ADCY8: variants seen among roughly 807,000 people sequenced by gnomAD.
ADCY8 encodes the protein adenylate cyclase type 8.
Under a neutral mutation model 119.7 loss-of-function variants are expected in ADCY8, and 51 were observed. That is an observed-to-expected ratio of 0.43 (90% CI 0.34 to 0.54). The LOEUF is 0.54. Among genes scored for constraint, ADCY8 ranks in the 20% least tolerant of loss-of-function variants. The pLI, the probability that ADCY8 is intolerant of heterozygous loss-of-function variation, is 0.03. For missense variants in ADCY8, 1,383 were observed against 1,598.8 expected, an observed-to-expected ratio of 0.87 and a Z score of 2.30; for synonymous variants, 665 against 651.0, an observed-to-expected ratio of 1.02 and a Z score of -0.33.
At chr8:130,912,876 G>A (rs1315486949) in intron 5 of ADCY8, among the ~76,000 whole-genome samples, 1 of 152,064 alleles carries the variant, frequency 6.6e-6, no homozygotes, top group Admixed American at 6.6e-5. Flanking sequence ...AAATTGACAA[G>A]GCAAGAGAAG....
At chr8:130,970,614 A>G (rs1821895380) in intron 2 of ADCY8, among the ~76,000 whole-genome samples, 1 of 152,224 alleles carries the variant, frequency 6.6e-6, no homozygotes, top group South Asian at 2.1e-4. Flanking sequence ...GTGTGTGGAA[A>G]AATTGTCTTT....
intron 2 of ADCY8, among the ~76,000 whole-genome samples, chr8:130,966,516 T>A (rs1821767229): frequency 6.6e-6 from 1 of 152,144 alleles, no homozygotes; most frequent in Non-Finnish European, 1.5e-5. Flanking sequence ...CCAATGCATG[T>A]TTGTAGAAGG....
intron 15 of ADCY8, among the ~76,000 whole-genome samples, chr8:130,799,655 G>A (rs1468650868): frequency 2.0e-5 from 3 of 152,238 alleles, no homozygotes; most frequent in African/African-American, 4.8e-5. Flanking sequence ...CCCCTACCAG[G>A]GCAGCCCATG....
At chr8:130,905,610 C>T (rs1450286365) in intron 6 of ADCY8, among the ~76,000 whole-genome samples, 1 of 152,126 alleles carries the variant, frequency 6.6e-6, no homozygotes, top group Non-Finnish European at 1.5e-5. Flanking sequence ...TGTAGTGGCT[C>T]ATGCTGAGGA....
chr8:130,828,898 A>G (rs1816744870), intron 12 of ADCY8, among the ~76,000 whole-genome samples: 1 of 152,232 alleles, frequency 6.6e-6, no homozygotes, highest in Non-Finnish European at 1.5e-5. Flanking sequence ...GGCAGGGTAT[A>G]GAGCTCAAAC....
intron 16 of ADCY8, among the ~76,000 whole-genome samples, chr8:130,785,024 G>C (rs1313320101): frequency 1.3e-5 from 2 of 152,188 alleles, no homozygotes; most frequent in Admixed American, 6.5e-5. Context: ...TTATTATTAT[G>C]ATGTAAGACT....
chr8:130,980,714 T>C (rs1255250004), intron 2 of ADCY8, among the ~76,000 whole-genome samples: 1 of 152,236 alleles, frequency 6.6e-6, no homozygotes, highest in Non-Finnish European at 1.5e-5. Context: ...GGTTTTGCCC[T>C]ATGCCAGATT....
chr8:131,004,768 G>T (rs1823062515), intron 1 of ADCY8, among the ~76,000 whole-genome samples: 1 of 152,160 alleles, frequency 6.6e-6, no homozygotes, highest in South Asian at 2.1e-4. Flanking sequence ...TCCTTCTAGG[G>T]GAGAGACTAA....
chr8:130,844,374 G>A (rs558805661), intron 11 of ADCY8, among the ~76,000 whole-genome samples: 4 of 152,058 alleles, frequency 2.6e-5, no homozygotes, highest in African/African-American at 7.2e-5. Flanking sequence ...GACAAGCTTC[G>A]AATTTAGAAC....
chr8:130,902,316 A>T (rs1299863513), intron 7 of ADCY8, among the ~76,000 whole-genome samples: 1 of 152,148 alleles, frequency 6.6e-6, no homozygotes, highest in East Asian at 1.9e-4. Flanking sequence ...AGTATATAAC[A>T]CCATTATTTT....
At chr8:130,832,441 A>G (rs1026569367) in intron 12 of ADCY8, among the ~76,000 whole-genome samples, 10 of 152,186 alleles carry the variant, frequency 6.6e-5, no homozygotes, top group Admixed American at 2.6e-4. Flanking sequence ...TTCTTGAACT[A>G]TTGTGAACTC....
chr8:130,890,424 G>T (rs1255411857), intron 7 of ADCY8, among the ~76,000 whole-genome samples: 1 of 152,110 alleles, frequency 6.6e-6, no homozygotes, highest in Non-Finnish European at 1.5e-5. Flanking sequence ...CACTGCAAAA[G>T]TCCCTTTAGT....
At chr8:131,008,738 A>T (rs1823204438) in intron 1 of ADCY8, among the ~76,000 whole-genome samples, 1 of 152,312 alleles carries the variant, frequency 6.6e-6, no homozygotes, top group African/African-American at 2.4e-5. Context: ...GAAGACAGGA[A>T]AATGTGGAAA....
At chr8:130,859,140 C>G (rs1817844927) in intron 9 of ADCY8, among the ~76,000 whole-genome samples, 3 of 152,074 alleles carry the variant, frequency 2.0e-5, no homozygotes. Flanking sequence ...CTTCCAGGCC[C>G]TCTCCACTGA....
intron 2 of ADCY8, among the ~76,000 whole-genome samples, chr8:130,964,599 A>G (rs1821706238): frequency 6.6e-6 from 1 of 152,230 alleles, no homozygotes; most frequent in Admixed American, 6.5e-5. Flanking sequence ...CATCTGTGAA[A>G]AAAATTATAA....
intron 1 of ADCY8, among the ~76,000 whole-genome samples, chr8:130,994,638 G>A (rs1049607130): frequency 6.6e-6 from 1 of 152,102 alleles, no homozygotes; most frequent in Non-Finnish European, 1.5e-5. Context: ...GGAGTCAAGT[G>A]GGCATGAACA....
chr8:130,863,225 A>C (rs1388805531), intron 9 of ADCY8, among the ~76,000 whole-genome samples: 1 of 151,744 alleles, frequency 6.6e-6, no homozygotes, highest in Admixed American at 6.6e-5. Context: ...TGTAATTTCC[A>C]TTTTTATCTC....
At chr8:131,010,510 G>C (rs1014266015) in intron 1 of ADCY8, among the ~76,000 whole-genome samples, 2 of 151,866 alleles carry the variant, frequency 1.3e-5, no homozygotes, top group Non-Finnish European at 2.9e-5. Context: ...TATTTGGGGA[G>C]AGAAAGAGAA....
intron 11 of ADCY8, among the ~76,000 whole-genome samples, chr8:130,841,112 C>A (rs1020611998): frequency 6.6e-6 from 1 of 152,078 alleles, no homozygotes; most frequent in African/African-American, 2.4e-5. Flanking sequence ...GGTGGAGGGA[C>A]CAGCTGGGTT....
Sources: allele counts gnomAD v4.1 joint callset (sites outside exome capture counted in the v4.1 genomes callset), GRCh38; gene constraint gnomAD v4.1.1; transcripts MANE v1.5; gene names NCBI Gene and HGNC (gene_info 2026-07-23, HGNC 2026-07-21).